DNAJC17: variants seen among roughly 807,000 people sequenced by gnomAD.
DNAJC17 encodes dnaJ homolog subfamily C member 17.
In DNAJC17, 35 loss-of-function variants were observed where a neutral mutation model predicts 48.1. That is an observed-to-expected ratio of 0.73 (90% confidence interval 0.56 to 0.96). The LOEUF (loss-of-function observed/expected upper bound fraction) is 0.96, where lower values mean the gene tolerates loss of function less well. Among genes scored for constraint, DNAJC17 ranks in the 50% least tolerant of loss-of-function variants. DNAJC17 has a pLI of 0.00. For synonymous variants in DNAJC17, 117 were observed against 142.7 expected, an observed-to-expected ratio of 0.82 and a Z score of 1.28; for missense variants, 355 against 377.1, an observed-to-expected ratio of 0.94 and a Z score of 0.48.
chr15:40,789,986 G>A (rs1889753937), intron 1 of DNAJC17, among the ~76,000 whole-genome samples: 4 of 145,548 alleles, frequency 2.7e-5, no homozygotes, highest in Admixed American at 6.9e-5. Flanking sequence ...CAATACTTAC[G>A]AACAGCAAAA....
rs1183881133 is a variant in DNAJC17, at chr15:40,769,306, G to A, written c.793-1244C>T. Among the ~76,000 whole-genome samples the A allele has an allele frequency of 6.6e-6, 1 of 152,210 alleles. No homozygotes were observed. Among genetic ancestry groups the A allele is most frequent in the Non-Finnish European group, 1.5e-5 (1 of 68,028 alleles). On this transcript the variant is annotated intron_variant, in intron 10 of 10. Transcript: ENST00000220496. The surrounding 1 kb of genome is among the most constrained non-coding windows in gnomAD (Gnocchi z 4.2). ...CGGTAGCCAGAGGGGAAGGGCTGGA[G>A]CACAGCCAGGTAGGAGGCAACACGG...
At chr15:40,779,866 C>G in intron 2 of DNAJC17, 62 bp downstream of exon 2, 7 of 1,555,132 alleles carry the variant, frequency 4.5e-6, no homozygotes, top group Non-Finnish European at 6.2e-6. Context: ...GAGCTTACAT[C>G]GGGAAACACA....
chr15:40,767,211 C>A lies in DNAJC17; in HGVS notation c.*729G>T. 6.7e-7 allele frequency: 1 copy of A among 1,494,872 alleles called. No individual in the cohort carries two copies. The highest frequency in any genetic ancestry group is 8.9e-7 in the Non-Finnish European group (1 of 1,119,630). The allele number at this position is 1,494,872 out of a possible 1,614,324, so 92.6% of individuals were successfully genotyped here. A position where few individuals can be genotyped will look rare whatever the true frequency, so the allele number is the denominator to read the frequency against. ...GTGTGCCCCTCCTCACCCCCCCCAT[C>A]CTGTCTCTTTGCAGTTATGAATACT... On this transcript the variant is annotated 3_prime_UTR_variant, in exon 11 of 11. Coordinates refer to ENST00000220496, the MANE Select transcript of DNAJC17 (RefSeq NM_018163.3).
intron 1 of DNAJC17, among the ~76,000 whole-genome samples, chr15:40,794,633 C>T (rs1889902148): frequency 6.6e-6 from 1 of 152,190 alleles, no homozygotes; most frequent in African/African-American, 2.4e-5. Flanking sequence ...GATTGCACCA[C>T]TGTACTTTGG....
chr15:40,801,964 G>A (rs1890087472), intron 1 of DNAJC17, among the ~76,000 whole-genome samples: 1 of 151,948 alleles, frequency 6.6e-6, no homozygotes, highest in South Asian at 2.1e-4. Flanking sequence ...AGTAGTGGTG[G>A]AGACAGAGAG....
intron 1 of DNAJC17, among the ~76,000 whole-genome samples, chr15:40,785,150 T>C (rs1397602361): frequency 6.6e-6 from 1 of 152,102 alleles, no homozygotes; most frequent in Non-Finnish European, 1.5e-5. Flanking sequence ...AGAAAAGGGA[T>C]ATCCCCGAAA....
chr15:40,807,173 C>T (rs1389731982), intron 1 of DNAJC17, 196 bp downstream of exon 1: 1 of 1,378,686 alleles, frequency 7.3e-7, no homozygotes, highest in East Asian at 2.5e-5. Flanking sequence ...GCCCTCTGTA[C>T]CCCGCTTCCT....
In DNAJC17 at chr15:40,765,617, G is replaced by A. The variant is rs1310006834; in HGVS notation, c.*2323C>T. ...TGCCTGGCTAAAGCTGAGCTTTAAGGCACTAGGGAGGGCGCCTACATTGCT... is the reference window on the plus strand; with the variant it reads ...TGCCTGGCTAAAGCTGAGCTTTAAGACACTAGGGAGGGCGCCTACATTGCT... On this transcript the variant is annotated 3_prime_UTR_variant, in exon 11 of 11. Coordinates refer to ENST00000220496, the MANE Select transcript of DNAJC17 (RefSeq NM_018163.3). 7 of 374,310 alleles carry A rather than the reference G, an allele frequency of 1.9e-5. No individual in the cohort carries two copies. Among genetic ancestry groups the A allele is most frequent in the African/African-American group, 6.2e-5 (3 of 48,024 alleles). The allele number at this position is 374,310 out of a possible 1,614,324, so 23.2% of individuals were successfully genotyped here. A position where few individuals can be genotyped will look rare whatever the true frequency, so the allele number is the denominator to read the frequency against.
intron 8 of DNAJC17, among the ~76,000 whole-genome samples, 162 bp from the exon 9 acceptor site, chr15:40,774,598 A>T (rs1889263885): frequency 6.6e-6 from 1 of 152,278 alleles, no homozygotes; most frequent in Non-Finnish European, 1.5e-5. Context: ...GATCAGAGAT[A>T]GGAAAGAAAG....
rs1482415488 is a variant in DNAJC17 at position 40,769,806 on chromosome 15, G to C, written c.793-1744C>G. ...AGCCGCGTGGTGACACATAAAGCAG[G>C]GCTGCCCCCACACGAGTCCCCAGAG... is the stretch of plus-strand genomic sequence containing the variant. On this transcript the variant is annotated intron_variant, in intron 10 of 10. Transcript: ENST00000220496. The surrounding 1 kb of genome is among the most constrained non-coding windows in gnomAD (Gnocchi z 4.2). 1 of 152,394 alleles carries C rather than the reference G, an allele frequency of 6.6e-6. No homozygotes were observed. Among genetic ancestry groups the C allele is most frequent in the African/African-American group, 2.4e-5 (1 of 41,452 alleles). The allele number at this position is 152,394 out of a possible 1,614,324, so 9.4% of individuals were successfully genotyped here. A position where few individuals can be genotyped will look rare whatever the true frequency, so the allele number is the denominator to read the frequency against.
intron 6 of DNAJC17, 85 bp from the exon 7 acceptor site, chr15:40,775,681 G>C: frequency 7.1e-7 from 1 of 1,406,884 alleles, no homozygotes; most frequent in South Asian, 1.2e-5. Flanking sequence ...AGCAAGAAGG[G>C]TCTGGAAAGG....
intron 1 of DNAJC17, chr15:40,792,487 G>A (rs1260662371): frequency 2.0e-6 from 2 of 985,226 alleles, no homozygotes; most frequent in East Asian, 2.3e-4. Context: ...CCCTTCAAAG[G>A]GCTTCAAATG....
chr15:40,766,017 G>T lies in DNAJC17; in HGVS notation c.*1923C>A. The T allele has an allele frequency of 1.8e-6, 1 of 541,872 alleles. No homozygotes were observed. Among genetic ancestry groups the T allele is most frequent in the Non-Finnish European group, 3.2e-6 (1 of 311,382 alleles). 33.6% of individuals were successfully genotyped at this position (541,872 alleles called of 1,614,324 possible). Reference sequence around the variant, plus strand: ...CCTCCAAGCCCAGGGACAGGGCCCAGCATCAGAGCCCCCTGCCTGCATCCT... The same window carrying T: ...CCTCCAAGCCCAGGGACAGGGCCCATCATCAGAGCCCCCTGCCTGCATCCT... On this transcript the variant is annotated 3_prime_UTR_variant, in exon 11 of 11. Transcript: ENST00000220496.
At position 40,767,773 on chromosome 15, in the gene DNAJC17, G is replaced by A; in HGVS notation, c.*167C>T. 2.1e-6 allele frequency: 2 copies of A among 969,390 alleles called. No individual in the cohort carries two copies. Among genetic ancestry groups the A allele is most frequent in the South Asian group, 3.5e-5 (2 of 57,048 alleles). 60.0% of individuals were successfully genotyped at this position (969,390 alleles called of 1,614,324 possible). On this transcript the variant is annotated 3_prime_UTR_variant, in exon 11 of 11. Transcript: ENST00000220496. ...CTCACCCTGCGGAGCGTTTCCCTGG[G>A]GGTCTGCCCACTTCCTGGGAGGGGC...
At chr15:40,799,654 G>C (rs1450457150) in intron 1 of DNAJC17, among the ~76,000 whole-genome samples, 1 of 152,062 alleles carries the variant, frequency 6.6e-6, no homozygotes, top group African/African-American at 2.4e-5. Flanking sequence ...TTTTGTGTTT[G>C]TTTCTGTTGC....
At position 40,773,846 on chromosome 15, in the gene DNAJC17, CA is replaced by C; in HGVS notation, c.682-10del. 1 of 1,611,982 alleles carries C rather than the reference CA, an allele frequency of 6.2e-7. No individual in the cohort carries two copies. Among genetic ancestry groups the C allele is most frequent in the Non-Finnish European group, 8.5e-7 (1 of 1,178,610 alleles). On this transcript the variant is annotated splice_polypyrimidine_tract_variant and intron_variant, in intron 9 of 10. Transcript: ENST00000220496. ...TTCTGGACAGCCAGCTCCTGCCAAA[CA>C]CAGCATCTAGTCCTGTCCCATCCGT...
intron 1 of DNAJC17, among the ~76,000 whole-genome samples, chr15:40,800,955 C>CA (rs755967211): frequency 2.0e-3 from 220 of 107,742 alleles, no homozygotes; most frequent in Middle Eastern, 4.8e-3. Flanking sequence ...GACTCCGTCT[C>CA]AAAAAAAAAA....
In DNAJC17 at chr15:40,807,389, C is replaced by T; in HGVS notation, c.58G>A (p.Glu20Lys). 6.2e-7 allele frequency: 1 copy of T among 1,614,272 alleles called. No individual in the cohort carries two copies. Among genetic ancestry groups the T allele is most frequent in the Non-Finnish European group, 8.5e-7 (1 of 1,180,046 alleles). ...MDLYALLGIE[E>K]KAADKEVKKA... is the part of the protein sequence containing the mutation. Reference sequence around the variant, plus strand: ...CTCACCTCTTTGTCCGCTGCCTTCTCCTCAATGCCTAGCAGCGCGTACAGG... The same window carrying T: ...CTCACCTCTTTGTCCGCTGCCTTCTTCTCAATGCCTAGCAGCGCGTACAGG... The change falls in exon 1 of 11, where the codon GAG becomes AAG. Residue 20 changes from glutamate (E) to lysine (K), a missense_variant. Glu to Lys is a moderately conservative substitution (Grantham distance 56, BLOSUM62 1). This residue lies in a region of DNAJC17 where 199 missense variants were observed against 199.9 expected (regional missense o/e 1.00). Coordinates refer to ENST00000220496, the MANE Select transcript of DNAJC17 (RefSeq NM_018163.3).
Position 40,807,434 on chromosome 15 carries a change from T to C in DNAJC17, c.13A>G (p.Lys5Glu), listed in dbSNP as rs777087065. 7 of 1,614,132 alleles carry C rather than the reference T, an allele frequency of 4.3e-6. No individual in the cohort carries two copies. In the African/African-American group the frequency reaches 5.3e-5, roughly 12 times the overall value. Residue 5 changes from lysine (K) to glutamate (E), a missense_variant, in exon 1 of 11, where the codon AAG (lysine) becomes GAG (glutamate). Physicochemically the swap from Lys to Glu is moderately conservative, Grantham distance 56. Transcript: ENST00000220496. ...TACAGGTCCATCTGTAAGAGCTCCTTGGTCACTGCCATGGTTCCGGCCTGA... is the reference window on the plus strand; with the variant it reads ...TACAGGTCCATCTGTAAGAGCTCCTCGGTCACTGCCATGGTTCCGGCCTGA... MAVT[K>E]ELLQMDLYAL...
Sources: gnomAD v4.1 joint callset for allele counts (sites outside exome capture counted in the v4.1 genomes callset) on GRCh38, gnomAD v4.1.1 for gene constraint, gnomAD v4.1.1 regional missense constraint, Gnocchi (gnomAD v3.1) non-coding constraint, MANE v1.5 for transcripts, NCBI Gene and HGNC (gene_info 2026-07-23, HGNC 2026-07-21) for gene names.